SSMEM1: variants seen among roughly 807,000 people sequenced by gnomAD.
SSMEM1 encodes serine rich single-pass membrane protein 1, also known as serine-rich single-pass membrane protein 1.
Under a neutral mutation model 9.9 loss-of-function variants are expected in SSMEM1, and 12 were observed. The ratio of observed to expected loss-of-function variants is 1.21; its 90% CI spans 0.78 to 1.96. The LOEUF (loss-of-function observed/expected upper bound fraction) is 1.96, where lower values mean the gene tolerates loss of function less well. Among genes scored for constraint, SSMEM1 ranks in the 30% most tolerant of loss-of-function variants. The pLI is 0.00. For missense variants in SSMEM1, 259 were observed against 292.2 expected, an observed-to-expected ratio of 0.89 and a Z score of 0.83; for synonymous variants, 96 against 98.9, an observed-to-expected ratio of 0.97 and a Z score of 0.17.
In SSMEM1 at chr7:130,216,371, C is replaced by T; in HGVS notation, c.636C>T (p.His212=). The change falls in exon 3 of 3, where the codon CAC becomes CAT. Residue 212 remains histidine, a synonymous_variant. Transcript: ENST00000297819. ...TGAGAACCAACGAATGGTTGGCGCACCATTCCCGACAGAAGCCTTCAGTAA... is the reference window on the plus strand; with the variant it reads ...TGAGAACCAACGAATGGTTGGCGCATCATTCCCGACAGAAGCCTTCAGTAA... ...KALRTNEWLA[H]HSRQKPSVTP... 6.2e-7 allele frequency: 1 copy of T among 1,614,212 alleles called. No homozygotes were observed. The highest frequency in any genetic ancestry group is 8.5e-7 in the Non-Finnish European group (1 of 1,180,046).
At chr7:130,211,609 AGTTATAAAT>A (rs1798593259) in intron 1 of SSMEM1, among the ~76,000 whole-genome samples, 2 of 152,232 alleles carry the variant, frequency 1.3e-5, no homozygotes, top group African/African-American at 4.8e-5. Flanking sequence ...CTTAGATTGC[AGTTATAAAT>A]ACCGAACTAT....
chr7:130,216,417 A>G lies in SSMEM1; in HGVS notation c.682A>G (p.Ser228Gly). The change falls in exon 3 of 3, where the codon AGT becomes GGT. Residue 228 changes from serine (S) to glycine (G), a missense_variant. Coordinates refer to ENST00000297819, the MANE Select transcript of SSMEM1 (RefSeq NM_145268.4). ...PSVTPPMKRDSQEESSISDIN... is the reference protein window; with the variant it reads ...PSVTPPMKRDGQEESSISDIN... Reference sequence around the variant, plus strand: ...AGTAACACCGCCAATGAAAAGAGACAGTCAAGAGGAAAGTTCCATATCTGA... The same window carrying G: ...AGTAACACCGCCAATGAAAAGAGACGGTCAAGAGGAAAGTTCCATATCTGA... The G allele has an allele frequency of 1.1e-5, 17 of 1,614,212 alleles. No homozygotes were observed. Among genetic ancestry groups the G allele is most frequent in the Non-Finnish European group, 1.4e-5 (16 of 1,180,028 alleles).
chr7:130,216,103 A>G lies in SSMEM1; in HGVS notation c.368A>G (p.Tyr123Cys), dbSNP rs868320037. The G allele has an allele frequency of 3.1e-6, 5 of 1,614,088 alleles. No homozygotes were observed. The highest frequency in any genetic ancestry group is 2.7e-5 in the African/African-American group (2 of 74,926). ...TCAGAAGTGGCTTTGGTCAATGCCTATCCTGAACAAAGACGAGCCAGGCGC... is the reference window on the plus strand; with the variant it reads ...TCAGAAGTGGCTTTGGTCAATGCCTGTCCTGAACAAAGACGAGCCAGGCGC... ...TNSEVALVNA[Y>C]PEQRRARRQS... is the part of the protein sequence containing the mutation. Residue 123 changes from tyrosine (Y) to cysteine (C), a missense_variant, in exon 3 of 3, where the codon TAT becomes TGT. Transcript: ENST00000297819.
intron 2 of SSMEM1, 64 bp downstream of exon 2, chr7:130,213,598 C>CT: frequency 7.2e-7 from 1 of 1,397,764 alleles, no homozygotes; most frequent in Non-Finnish European, 9.8e-7. Flanking sequence ...TGTTGCATGC[C>CT]TGTAGTCCCA....
chr7:130,207,115 T>A (rs1404968999), upstream of SSMEM1: 1 of 156,592 alleles, frequency 6.4e-6, no homozygotes, highest in Non-Finnish European at 1.4e-5. Context: ...TGTTTTTCCC[T>A]CTTAATCTAT....
chr7:130,205,667 C>A (rs1798435902), upstream of SSMEM1, among the ~76,000 whole-genome samples: 1 of 152,148 alleles, frequency 6.6e-6, no homozygotes, highest in African/African-American at 2.4e-5. Context: ...AATTTTGTAT[C>A]TATTAATATA....
chr7:130,207,572 C>A (rs1468205531), upstream of SSMEM1, among the ~76,000 whole-genome samples: 1 of 152,020 alleles, frequency 6.6e-6, no homozygotes, highest in African/African-American at 2.4e-5. Flanking sequence ...TGGCATGATA[C>A]ATATAAAAGA....
Position 130,216,210 on chromosome 7 carries a change from G to A in SSMEM1, c.475G>A (p.Ala159Thr). 8 of 1,614,190 alleles carry A rather than the reference G, an allele frequency of 5.0e-6. No homozygotes were observed. The highest frequency in any genetic ancestry group is 6.8e-6 in the Non-Finnish European group (8 of 1,180,034). Residue 159 changes from alanine (A) to threonine (T), a missense_variant, in exon 3 of 3, where the codon GCC becomes ACC. Transcript: ENST00000297819. ...EYGSEESNSE[A>T]SSWKESESEH... Reference sequence around the variant, plus strand: ...TGGCAGTGAAGAGTCTAACTCAGAAGCCTCCTCGTGGAAGGAGAGTGAAAG... The same window carrying A: ...TGGCAGTGAAGAGTCTAACTCAGAAACCTCCTCGTGGAAGGAGAGTGAAAG...
In SSMEM1 at chr7:130,216,167, C is replaced by T. The variant is rs143000247; in HGVS notation, c.432C>T (p.Asp144=). The T allele has an allele frequency of 3.5e-5, 56 of 1,614,176 alleles. No homozygotes were observed. In the African/African-American group the frequency reaches 6.9e-4, roughly 20 times the overall value. Residue 144 remains aspartate, a synonymous_variant, in exon 3 of 3, where the codon GAC becomes GAT. Coordinates refer to ENST00000297819, the MANE Select transcript of SSMEM1 (RefSeq NM_145268.4). ...ATGAGGTGAACCAGAACCAACATGA[C>T]AGTGATACTACGGAGTATGGCAGTG... ...QFNEVNQNQH[D]SDTTEYGSEE...
At chr7:130,208,174 T>C in intron 1 of SSMEM1, 81 bp downstream of exon 1, 2 of 1,320,686 alleles carry the variant, frequency 1.5e-6, no homozygotes. Context: ...TACTATACTT[T>C]GATGAAACTA....
intron 1 of SSMEM1, among the ~76,000 whole-genome samples, chr7:130,211,621 C>T (rs534459089): frequency 1.3e-5 from 2 of 152,216 alleles, no homozygotes; most frequent in East Asian, 1.9e-4. Flanking sequence ...TTATAAATAC[C>T]GAACTATGGC....
upstream of SSMEM1, among the ~76,000 whole-genome samples, chr7:130,205,845 AT>A (rs5887465): frequency 5.4e-5 from 8 of 149,526 alleles, no homozygotes; most frequent in East Asian, 2.0e-4. Context: ...ACCCCATGTA[AT>A]TTTTTTTTTG....
upstream of SSMEM1, among the ~76,000 whole-genome samples, chr7:130,205,655 T>A (rs1027940906): frequency 6.6e-6 from 1 of 152,180 alleles, no homozygotes; most frequent in East Asian, 1.9e-4. Flanking sequence ...TGTAACAAGC[T>A]GAATTTTGTA....
upstream of SSMEM1, among the ~76,000 whole-genome samples, chr7:130,205,990 C>T (rs1798452512): frequency 6.6e-6 from 1 of 152,184 alleles, no homozygotes; most frequent in Non-Finnish European, 1.5e-5. Flanking sequence ...GCCCACCGCG[C>T]CCGGCCTAAA....
In SSMEM1 at chr7:130,212,524, G is replaced by A. The variant is rs577723378; in HGVS notation, c.184-956G>A. Among the ~76,000 whole-genome samples, 5 of 152,038 alleles carry A rather than the reference G, an allele frequency of 3.3e-5. No individual in the cohort carries two copies. The South Asian group carries it at 6.2e-4, about 19-fold the overall frequency. The stretch of plus-strand genomic sequence containing the variant: ...GTGGATCACCTGAGATCAGGAGTTC[G>A]AGACCAGCCTTTTCAACATGGAGAA... On this transcript the variant is annotated intron_variant, in intron 1 of 2. Coordinates refer to ENST00000297819, the MANE Select transcript of SSMEM1 (RefSeq NM_145268.4).
chr7:130,206,097 A>T (rs1264117509), upstream of SSMEM1, among the ~76,000 whole-genome samples: 3 of 152,154 alleles, frequency 2.0e-5, no homozygotes, highest in Non-Finnish European at 4.4e-5. Context: ...ATAATAACAC[A>T]TTTTCGTATG....
intron 1 of SSMEM1, among the ~76,000 whole-genome samples, chr7:130,209,154 C>T (rs1302447700): frequency 2.0e-5 from 3 of 152,134 alleles, no homozygotes; most frequent in Non-Finnish European, 4.4e-5. Context: ...TGAGCCACCG[C>T]GCCCAGCCGT....
chr7:130,215,599 C>T (rs2117065368), intron 2 of SSMEM1, among the ~76,000 whole-genome samples: 1 of 152,326 alleles, frequency 6.6e-6, no homozygotes, highest in East Asian at 1.9e-4. Context: ...AAAGATCCTT[C>T]TTAGTTCCTG....
At position 130,216,549 on chromosome 7, in the gene SSMEM1, G is replaced by A. The variant is rs994263783; in HGVS notation, c.*79G>A. On this transcript the variant is annotated 3_prime_UTR_variant, in exon 3 of 3. Coordinates refer to ENST00000297819, the MANE Select transcript of SSMEM1 (RefSeq NM_145268.4). Reference sequence around the variant, plus strand: ...ATGAAAAATCACCAGAGCTATAGGTGAGGAGACTTTTACAACAAAGTCTCT... The same window carrying A: ...ATGAAAAATCACCAGAGCTATAGGTAAGGAGACTTTTACAACAAAGTCTCT... 1 of 1,500,472 alleles carries A rather than the reference G, an allele frequency of 6.7e-7. No homozygotes were observed. 92.9% of individuals were successfully genotyped at this position (1,500,472 alleles called of 1,614,324 possible).
Sources: allele counts gnomAD v4.1 joint callset (sites outside exome capture counted in the v4.1 genomes callset), GRCh38; gene constraint gnomAD v4.1.1; transcripts MANE v1.5; gene names NCBI Gene and HGNC (gene_info 2026-07-23, HGNC 2026-07-21).